The following CNOT4 variants were observed in gnomAD, a reference collection of about 807,000 sequenced individuals.
CNOT4 encodes the protein CCR4-associated factor 4.
CNOT4 carries 8 observed loss-of-function variants against 73.8 expected under a neutral mutation model. The observed-to-expected ratio is 0.11, with a 90% CI of 0.06 to 0.20. The LOEUF (loss-of-function observed/expected upper bound fraction) is 0.20. CNOT4 is among the 10% of genes least tolerant of loss of function. The pLI, the probability that CNOT4 is intolerant of heterozygous loss-of-function variation, is 1.00. For missense variants in CNOT4, 564 were observed against 883.4 expected, an observed-to-expected ratio of 0.64 and a Z score of 4.58; for synonymous variants, 293 against 321.1, an observed-to-expected ratio of 0.91 and a Z score of 0.94.
chr7:135,388,711 G>A, intron 10 of CNOT4: 1 of 1,521,242 alleles, frequency 6.6e-7, no homozygotes, highest in South Asian at 1.3e-5. Context: ...TACATTAAAA[G>A]CAAAATCATA....
chr7:135,444,201 A>G (rs1799673837), intron 1 of CNOT4, among the ~76,000 whole-genome samples: 1 of 152,094 alleles, frequency 6.6e-6, no homozygotes, highest in Admixed American at 6.6e-5. Context: ...TAGTACAGAC[A>G]CTACAGAAAA....
intron 2 of CNOT4, 117 bp downstream of exon 2, chr7:135,438,036 TAATAA>T: frequency 5.5e-6 from 3 of 547,884 alleles, no homozygotes; most frequent in Non-Finnish European, 9.7e-6. Context: ...ATAATACACA[TAATAA>T]AATAATATAA....
At chr7:135,488,072 G>A (rs13309829) in intron 1 of CNOT4, among the ~76,000 whole-genome samples, 124,994 of 151,556 alleles carry the variant, frequency 0.82, 51,855 homozygotes, top group African/African-American at 0.94. Context: ...CCGTCTCAAA[G>A]AAGAAAAAAA....
chr7:135,446,891 T>C (rs1489088608), intron 1 of CNOT4, among the ~76,000 whole-genome samples: 1 of 150,254 alleles, frequency 6.7e-6, no homozygotes, highest in Non-Finnish European at 1.5e-5. Flanking sequence ...ATGCAATATA[T>C]ACATAAAATT....
intron 1 of CNOT4, among the ~76,000 whole-genome samples, chr7:135,506,597 C>A (rs1408829630): frequency 3.9e-5 from 6 of 152,122 alleles, no homozygotes; most frequent in Non-Finnish European, 8.8e-5. Context: ...CGTCTGTAAT[C>A]CCAACCCTTT....
At chr7:135,484,703 C>T (rs1387784514) in intron 1 of CNOT4, among the ~76,000 whole-genome samples, 19 of 149,494 alleles carry the variant, frequency 1.3e-4, no homozygotes, top group Admixed American at 2.7e-4. Context: ...TGCAGTGAGT[C>T]GAGATTGTGC....
intron 10 of CNOT4, among the ~76,000 whole-genome samples, chr7:135,382,488 T>C (rs1239512616): frequency 1.3e-5 from 2 of 152,124 alleles, no homozygotes; most frequent in Non-Finnish European, 2.9e-5. Flanking sequence ...ACAGTTGATA[T>C]TTCAGCTGAC....
chr7:135,395,168 A>G (rs920759076), intron 9 of CNOT4, among the ~76,000 whole-genome samples: 1 of 152,104 alleles, frequency 6.6e-6, no homozygotes, highest in Non-Finnish European at 1.5e-5. Flanking sequence ...TGGGAGGATC[A>G]CTTGAGGCCA....
chr7:135,376,362 ATTTTAAT>A (rs1274537773), intron 10 of CNOT4, among the ~76,000 whole-genome samples: 1 of 152,000 alleles, frequency 6.6e-6, no homozygotes, highest in Admixed American at 6.6e-5. Flanking sequence ...CTTTTTTTTA[ATTTTAAT>A]TTTTATTTTT....
rs900964891 is a variant in CNOT4 at position 135,422,365 on chromosome 7, A to C, written c.175-12T>G. On this transcript the variant is annotated splice_polypyrimidine_tract_variant and intron_variant, in intron 2 of 11. Transcript: ENST00000541284. ...TCTTCTGGATATGGCTTTAAGCATG[A>C]AACAAACATAGACGTTAGCATTAAA... The C allele has an allele frequency of 8.1e-7, 1 of 1,238,374 alleles. No homozygotes were observed. The highest frequency in any genetic ancestry group is 1.5e-5 in the African/African-American group (1 of 66,902). 76.7% of individuals were successfully genotyped at this position (1,238,374 alleles called of 1,614,324 possible). A position where few individuals can be genotyped will look rare whatever the true frequency, so the allele number is the denominator to read the frequency against.
chr7:135,390,236 T>C (rs545541328), intron 10 of CNOT4, among the ~76,000 whole-genome samples: 1 of 152,282 alleles, frequency 6.6e-6, no homozygotes, highest in Admixed American at 6.5e-5. Flanking sequence ...GGCATCGTTG[T>C]AGTGCAAAAA....
chr7:135,410,233 T>C (rs1797520583), intron 7 of CNOT4, among the ~76,000 whole-genome samples: 1 of 152,070 alleles, frequency 6.6e-6, no homozygotes, highest in African/African-American at 2.4e-5. Flanking sequence ...ATCCCTTAAT[T>C]TTCTCTTTAA....
chr7:135,417,883 C>T (rs1797955506), intron 3 of CNOT4, among the ~76,000 whole-genome samples: 1 of 152,110 alleles, frequency 6.6e-6, no homozygotes, highest in African/African-American at 2.4e-5. Flanking sequence ...GCACTTTACC[C>T]CAAAGACAGC....
intron 1 of CNOT4, among the ~76,000 whole-genome samples, chr7:135,449,561 A>G (rs1800040605): frequency 6.6e-6 from 1 of 152,200 alleles, no homozygotes; most frequent in Admixed American, 6.5e-5. Flanking sequence ...GGAAGCCATA[A>G]AGAAAGAATC....
At chr7:135,407,723 GC>G (rs1797373575) in intron 7 of CNOT4, among the ~76,000 whole-genome samples, 1 of 152,108 alleles carries the variant, frequency 6.6e-6, no homozygotes, top group African/African-American at 2.4e-5. Flanking sequence ...CAGGGGTCTT[GC>G]TTTGTTGCCC....
intron 2 of CNOT4, among the ~76,000 whole-genome samples, chr7:135,428,783 G>A (rs79681105): frequency 6.6e-6 from 1 of 152,124 alleles, no homozygotes; most frequent in Non-Finnish European, 1.5e-5. Flanking sequence ...TGTATCTGAA[G>A]AGATAATAGC....
chr7:135,455,541 C>G (rs1800472204), intron 1 of CNOT4, among the ~76,000 whole-genome samples: 1 of 151,684 alleles, frequency 6.6e-6, no homozygotes, highest in Admixed American at 6.6e-5. Flanking sequence ...ATACATACTT[C>G]AGGTGTCTTC....
At chr7:135,424,058 C>G (rs866222949) in intron 2 of CNOT4, among the ~76,000 whole-genome samples, 2,824 of 101,136 alleles carry the variant, frequency 0.028, 91 homozygotes, top group African/African-American at 0.084. Flanking sequence ...CACACACACA[C>G]ACACACACAC....
chr7:135,411,365 G>C (rs1301295865), intron 6 of CNOT4, among the ~76,000 whole-genome samples: 2 of 152,148 alleles, frequency 1.3e-5, no homozygotes, highest in East Asian at 1.9e-4. Flanking sequence ...GCAGGATGTA[G>C]TAGTGCAACA....
Sources: allele counts gnomAD v4.1 joint callset (sites outside exome capture counted in the v4.1 genomes callset), GRCh38; gene constraint gnomAD v4.1.1; transcripts MANE v1.5; gene names NCBI Gene and HGNC (gene_info 2026-07-23, HGNC 2026-07-21).